The following EP300 variants were observed in gnomAD, a reference collection of about 807,000 sequenced individuals.
EP300 encodes EP300 lysine acetyltransferase, also known as histone acetyltransferase p300.
EP300 carries 31 observed loss-of-function variants against 264.0 expected under a neutral mutation model. The ratio of observed to expected loss-of-function variants is 0.12; its 90% CI spans 0.09 to 0.16. EP300 has a LOEUF of 0.16. EP300 is among the 10% of genes least tolerant of loss of function. The pLI, the probability that EP300 is intolerant of heterozygous loss-of-function variation, is 1.00. For missense variants in EP300, 2,766 were observed against 3,052.9 expected, an observed-to-expected ratio of 0.91 and a Z score of 2.21; for synonymous variants, 1,340 against 1,045.4, an observed-to-expected ratio of 1.28 and a Z score of -5.44.
intron 17 of EP300, among the ~76,000 whole-genome samples, chr22:41,156,100 C>G (rs367555632): frequency 4.6e-5 from 7 of 152,222 alleles, no homozygotes; most frequent in African/African-American, 1.7e-4. Context: ...CAACCTCCCC[C>G]TCCCGGGTTC....
At chr22:41,126,964 G>T (rs1299515654) in intron 3 of EP300, among the ~76,000 whole-genome samples, 1 of 151,736 alleles carries the variant, frequency 6.6e-6, no homozygotes, top group Non-Finnish European at 1.5e-5. Context: ...GGCTGATCTC[G>T]AACTCCCGAC....
Position 41,178,520 on chromosome 22 carries a change from G to C in EP300, c.6809G>C (p.Gly2270Ala). ...CAGCGACTCCTTCAGCAACAGATGG[G>C]GTCCCCTGTTCAGCCCAACCCCATG... ...YQQRLLQQQMGSPVQPNPMSP... is the reference protein window; with the variant it reads ...YQQRLLQQQMASPVQPNPMSP... The change falls in exon 31 of 31, where the codon GGG (glycine) becomes GCG (alanine). Residue 2270 changes from glycine (G) to alanine (A), a missense_variant. Physicochemically the swap from Gly to Ala is moderately conservative, Grantham distance 60. Coordinates refer to ENST00000263253, the MANE Select transcript of EP300 (RefSeq NM_001429.4). 2 of 1,613,900 alleles carry C rather than the reference G, an allele frequency of 1.2e-6. No homozygotes were observed. Among genetic ancestry groups the C allele is most frequent in the Non-Finnish European group, 8.5e-7 (1 of 1,179,968 alleles).
intron 2 of EP300, among the ~76,000 whole-genome samples, chr22:41,124,078 T>C (rs2058867386): frequency 6.6e-6 from 1 of 152,118 alleles, no homozygotes; most frequent in Admixed American, 6.5e-5. Context: ...CGAAACCCCG[T>C]CTCGACTGAA....
intron 16 of EP300, 51 bp downstream of exon 16, chr22:41,152,401 C>G (rs1055621926): frequency 6.3e-7 from 1 of 1,580,258 alleles, no homozygotes; most frequent in Non-Finnish European, 8.6e-7. Flanking sequence ...AACCAAAGAC[C>G]CAGGGCAGAA....
chr22:41,145,423 A>G (rs559859539), intron 10 of EP300, among the ~76,000 whole-genome samples: 1 of 152,220 alleles, frequency 6.6e-6, no homozygotes, highest in African/African-American at 2.4e-5. Context: ...TTAGAAGAGC[A>G]GCAGGTCTTC....
chr22:41,127,872 CTGTA>C, intron 4 of EP300, 124 bp downstream of exon 4: 5 of 1,277,304 alleles, frequency 3.9e-6, no homozygotes, highest in Non-Finnish European at 5.5e-6. Context: ...GTGATGGTGT[CTGTA>C]TGTACAAAGT....
intron 23 of EP300, among the ~76,000 whole-genome samples, chr22:41,167,020 G>A (rs185572144): frequency 3.5e-4 from 53 of 152,204 alleles, no homozygotes; most frequent in Admixed American, 2.9e-3. Flanking sequence ...TATTTTTTGA[G>A]AGTCTCACTC....
chr22:41,099,803 A>G (rs539443018), intron 1 of EP300, among the ~76,000 whole-genome samples: 1 of 152,216 alleles, frequency 6.6e-6, no homozygotes, highest in Non-Finnish European at 1.5e-5. Flanking sequence ...CAGTCTGACA[A>G]TCTGATAACT....
chr22:41,098,509 C>G (rs932429226), intron 1 of EP300, among the ~76,000 whole-genome samples: 4 of 152,044 alleles, frequency 2.6e-5, no homozygotes, highest in African/African-American at 7.2e-5. Context: ...GTAGCTGGGA[C>G]TACAGGCGCC....
At position 41,125,851 on chromosome 22, in the gene EP300, T is replaced by C. The variant is rs1569094899; in HGVS notation, c.730-13T>C. On this transcript the variant is annotated splice_polypyrimidine_tract_variant and intron_variant, in intron 2 of 30. Coordinates refer to ENST00000263253, the MANE Select transcript of EP300 (RefSeq NM_001429.4). ...TATTGCTTATTTTGTTTTCTTTTGT[T>C]TCTTACTCTTAGATGGGAATGATGA... The C allele has an allele frequency of 6.3e-7, 1 of 1,576,864 alleles. No homozygotes were observed. The highest frequency in any genetic ancestry group is 3.3e-5 in the East Asian group (1 of 30,308).
intron 4 of EP300, among the ~76,000 whole-genome samples, chr22:41,128,146 A>T (rs2085345933): frequency 6.6e-6 from 1 of 152,130 alleles, no homozygotes; most frequent in African/African-American, 2.4e-5. Flanking sequence ...AGCCTGGGTG[A>T]CAATGTGAGA....
chr22:41,131,266 C>A, intron 5 of EP300, 122 bp from the exon 6 acceptor site: 2 of 1,107,788 alleles, frequency 1.8e-6, no homozygotes, highest in Non-Finnish European at 1.4e-6. Context: ...AAGACAAGAT[C>A]CACATACTCA....
chr22:41,122,028 T>G (rs1316915915), intron 2 of EP300, among the ~76,000 whole-genome samples: 2 of 152,162 alleles, frequency 1.3e-5, no homozygotes, highest in African/African-American at 4.8e-5. Context: ...CAGCAGCACT[T>G]GCAGTCAGAT....
At position 41,151,909 on chromosome 22, in the gene EP300, A is replaced by G. The variant is rs374345478; in HGVS notation, c.2894A>G (p.Gln965Arg). The change falls in exon 15 of 31, where the codon CAG becomes CGG. Residue 965 changes from glutamine (Q) to arginine (R), a missense_variant. Coordinates refer to ENST00000263253, the MANE Select transcript of EP300 (RefSeq NM_001429.4). ...ACTAGTAGCACAGAAGTGAATTCTC[A>G]GGCCATTGCTGAGAAGCAGCCTTCC... ...PSTSSTEVNS[Q>R]AIAEKQPSQE... 1 of 1,613,998 alleles carries G rather than the reference A, an allele frequency of 6.2e-7. No individual in the cohort carries two copies. The highest frequency in any genetic ancestry group is 8.5e-7 in the Non-Finnish European group (1 of 1,179,904).
intron 27 of EP300, 73 bp downstream of exon 27, chr22:41,170,644 G>A (rs2059164237): frequency 2.6e-6 from 2 of 756,866 alleles, no homozygotes; most frequent in Non-Finnish European, 4.2e-6. Flanking sequence ...TCTTTGTTCT[G>A]TCATTTAACT....
chr22:41,100,174 A>G (rs1339093468), intron 1 of EP300, among the ~76,000 whole-genome samples: 1 of 152,218 alleles, frequency 6.6e-6, no homozygotes, highest in African/African-American at 2.4e-5. Flanking sequence ...TTTTGAGGTT[A>G]CAGTGAGCTA....
chr22:41,168,229 C>G (rs2059151357), intron 23 of EP300: 1 of 570,470 alleles, frequency 1.8e-6, no homozygotes, highest in Middle Eastern at 4.8e-4. Context: ...GCTTTAATAG[C>G]ACATGTATTA....
chr22:41,134,917 T>TC (rs2145719699), intron 6 of EP300, among the ~76,000 whole-genome samples: 1 of 150,534 alleles, frequency 6.6e-6, no homozygotes, highest in African/African-American at 2.5e-5. Context: ...TTTCTTTCTT[T>TC]TTCTTTTTGA....
At chr22:41,121,736 T>A (rs149635232) in intron 2 of EP300, among the ~76,000 whole-genome samples, 1 of 152,156 alleles carries the variant, frequency 6.6e-6, no homozygotes, top group Non-Finnish European at 1.5e-5. Context: ...TGGGGAAATA[T>A]TTGGATAAAG....
Sources: allele counts gnomAD v4.1 joint callset (sites outside exome capture counted in the v4.1 genomes callset), GRCh38; gene constraint gnomAD v4.1.1; transcripts MANE v1.5; gene names NCBI Gene and HGNC (gene_info 2026-07-23, HGNC 2026-07-21).